The following MCM8 variants were observed in gnomAD, a reference collection of about 807,000 sequenced individuals.
MCM8 encodes the protein minichromosome maintenance 8 homologous recombination repair factor.
A neutral mutation model predicts 98.9 loss-of-function variants in MCM8; 85 were observed. The observed-to-expected ratio is 0.86, with a 90% confidence interval of 0.72 to 1.03. The LOEUF is 1.03. Ranked by LOEUF, MCM8 falls within the 50% of genes least tolerant of loss-of-function variation. The pLI is 0.00. For missense variants in MCM8, 951 were observed against 997.8 expected (o/e 0.95, Z 0.63); for synonymous variants, 352 against 338.6 (o/e 1.04, Z -0.44).
Position 5,994,868 on chromosome 20 carries a change from C to A in MCM8, c.*477C>A. On this transcript the variant is annotated 3_prime_UTR_variant, in exon 19 of 19. Transcript: ENST00000610722. ...AGGTTACAGTGAGCCACAATCACAC[C>A]AATCACTGCACTCCAGCCTGGGCAA... 3 of 305,900 alleles carry A rather than the reference C, an allele frequency of 9.8e-6. No individual in the cohort carries two copies. Among genetic ancestry groups the A allele is most frequent in the South Asian group, 5.7e-5 (2 of 35,152 alleles). 18.9% of individuals were successfully genotyped at this position (305,900 alleles called of 1,614,324 possible).
In MCM8 at chr20:5,952,465, T is replaced by G. The variant is rs888971029; in HGVS notation, c.190T>G (p.Ser64Ala). 6.2e-7 allele frequency: 1 copy of G among 1,614,098 alleles called. No homozygotes were observed. Among genetic ancestry groups the G allele is most frequent in the Admixed American group, 1.7e-5 (1 of 60,026 alleles). ...TTTGCTTTCAACAAAGACCCCACAG[T>G]CAATGCAGTCAACATTGGATCGATT... Reference protein sequence around the residue: ...QFLLSTKTPQSMQSTLDRFIP... With the variant: ...QFLLSTKTPQAMQSTLDRFIP... The change falls in exon 3 of 19, where the codon TCA becomes GCA. Residue 64 changes from serine to alanine, a missense_variant. Coordinates refer to ENST00000610722, the MANE Select transcript of MCM8 (RefSeq NM_032485.6).
chr20:5,962,386 G>A (rs1457724456), intron 7 of MCM8, among the ~76,000 whole-genome samples: 1 of 2,316 alleles, frequency 4.3e-4, no homozygotes. Context: ...TTTTTTTTTT[G>A]AGACGGAGTC....
At chr20:5,980,296 G>A (rs1012819132) in intron 13 of MCM8, among the ~76,000 whole-genome samples, 6 of 152,098 alleles carry the variant, frequency 3.9e-5, no homozygotes, top group Admixed American at 2.0e-4. Flanking sequence ...CCTATTGGCT[G>A]AGTAGAACAT....
intron 10 of MCM8, among the ~76,000 whole-genome samples, chr20:5,968,263 A>G (rs1406928826): frequency 6.6e-6 from 1 of 152,206 alleles, no homozygotes; most frequent in Non-Finnish European, 1.5e-5. Flanking sequence ...TTCAGATTTC[A>G]ACTGGATATG....
intron 8 of MCM8, among the ~76,000 whole-genome samples, chr20:5,963,592 G>C (rs1455462419): frequency 6.9e-6 from 1 of 145,764 alleles, no homozygotes; most frequent in African/African-American, 2.6e-5. Context: ...GCAGTGGCGC[G>C]ATCTTGGCTC....
intron 14 of MCM8, 81 bp downstream of exon 14, chr20:5,983,246 A>ATTT: frequency 8.3e-7 from 1 of 1,208,938 alleles, no homozygotes; most frequent in Non-Finnish European, 1.1e-6. Context: ...TCACAGAACT[A>ATTT]CAGGGGAAAA....
intron 12 of MCM8, 140 bp from the exon 13 acceptor site, chr20:5,977,736 C>A: frequency 1.2e-6 from 1 of 815,600 alleles, no homozygotes; most frequent in Non-Finnish European, 1.9e-6. Context: ...TAATACCTTT[C>A]TCTGCTGGTG....
At chr20:5,979,550 C>T (rs534642229) in intron 13 of MCM8, among the ~76,000 whole-genome samples, 2 of 152,214 alleles carry the variant, frequency 1.3e-5, no homozygotes, top group African/African-American at 2.4e-5. Flanking sequence ...CAGTAAATGA[C>T]AACTCTCATT....
chr20:5,952,609 T>A, intron 3 of MCM8, 81 bp downstream of exon 3: 1 of 1,123,508 alleles, frequency 8.9e-7, no homozygotes, highest in Non-Finnish European at 1.3e-6. Context: ...TGTATTACTG[T>A]AATTCATTTA....
At chr20:5,975,116 G>A (rs1457513352) in intron 12 of MCM8, among the ~76,000 whole-genome samples, 1 of 152,164 alleles carries the variant, frequency 6.6e-6, no homozygotes, top group Admixed American at 6.5e-5. Flanking sequence ...ACAATTAGCT[G>A]GGCATGGTGG....
chr20:5,969,401 G>A (rs556600552), intron 10 of MCM8, among the ~76,000 whole-genome samples: 49 of 152,216 alleles, frequency 3.2e-4, no homozygotes, highest in African/African-American at 1.1e-3. Context: ...AGACCAACCG[G>A]ACCAATATGG....
rs187070545 is a variant in MCM8 at position 5,967,804 on chromosome 20, T to C, written c.1028-26T>C. Reference sequence around the variant, plus strand: ...GTAGGGAAAATGAAAATACCAACTATTGTATTTAACACTTTTAATTTACAG... The same window carrying C: ...GTAGGGAAAATGAAAATACCAACTACTGTATTTAACACTTTTAATTTACAG... On this transcript the variant is annotated intron_variant, in intron 9 of 18. Coordinates refer to ENST00000610722, the MANE Select transcript of MCM8 (RefSeq NM_032485.6). 4.3e-5 allele frequency: 67 copies of C among 1,563,750 alleles called. No homozygotes were observed. The East Asian group carries it at 1.4e-3, about 34-fold the overall frequency.
At chr20:5,991,468 C>G (rs2089850356) in intron 17 of MCM8, 1 of 151,818 alleles carries the variant, frequency 6.6e-6, no homozygotes, top group African/African-American at 2.4e-5. Context: ...CATCTGGGCC[C>G]CTGAAAAAAA....
At chr20:5,968,165 T>G (rs2089320169) in intron 10 of MCM8, 140 bp downstream of exon 10, 1 of 580,542 alleles carries the variant, frequency 1.7e-6, no homozygotes, top group Admixed American at 3.1e-5. Flanking sequence ...CCCTTGAGTA[T>G]GGCCTATGAA....
intron 12 of MCM8, among the ~76,000 whole-genome samples, chr20:5,974,725 T>C (rs2089472819): frequency 6.6e-6 from 1 of 152,224 alleles, no homozygotes; most frequent in Non-Finnish European, 1.5e-5. Context: ...ATCTTGTCAT[T>C]ACATTATAAA....
chr20:5,965,875 CAAAA>C lies in MCM8; in HGVS notation c.876-1557_876-1554del, dbSNP rs1159137044. Among the ~76,000 whole-genome samples the C allele has an allele frequency of 2.0e-5, 3 of 151,922 alleles. No individual in the cohort carries two copies. The East Asian group carries it at 5.8e-4, about 29-fold the overall frequency. On this transcript the variant is annotated intron_variant, in intron 8 of 18. Transcript: ENST00000610722. ...ACCTTTTATTCTTAAAAAACAAAAA[CAAAA>C]AAACACACCTTCCTTCTGCTTGAGT...
chr20:5,958,355 G>A (rs995774033), intron 6 of MCM8, among the ~76,000 whole-genome samples, 173 bp from the exon 7 acceptor site: 4 of 152,202 alleles, frequency 2.6e-5, no homozygotes, highest in East Asian at 1.9e-4. Context: ...GCAACAGAGC[G>A]AGACTCCATC....
Position 5,962,436 on chromosome 20 carries a change from G to A in MCM8, c.790-838G>A, listed in dbSNP as rs1410797922. On this transcript the variant is annotated intron_variant, in intron 7 of 18. Transcript: ENST00000610722. ...AGGCCGGACTGCGGACTGCAGTGGC[G>A]CAATCTCGGCTCACTGCAAGCTCCG... Among the ~76,000 whole-genome samples, 7 of 63,594 alleles carry A rather than the reference G, an allele frequency of 1.1e-4. No homozygotes were observed. The East Asian group carries it at 3.2e-3, about 29-fold the overall frequency. 41.7% of individuals were successfully genotyped at this position (63,594 alleles called of 152,430 possible). A position where few individuals can be genotyped will look rare whatever the true frequency, so the allele number is the denominator to read the frequency against.
chr20:5,979,808 G>T (rs1282917581), intron 13 of MCM8, among the ~76,000 whole-genome samples: 1 of 152,164 alleles, frequency 6.6e-6, no homozygotes, highest in African/African-American at 2.4e-5. Context: ...TTAAAAATTA[G>T]ATTGTGTTAC....
Sources: gnomAD v4.1 joint callset for allele counts (sites outside exome capture counted in the v4.1 genomes callset) on GRCh38, gnomAD v4.1.1 for gene constraint, MANE v1.5 for transcripts, NCBI Gene and HGNC (gene_info 2026-07-23, HGNC 2026-07-21) for gene names.